FHOD3: variants seen among roughly 807,000 people sequenced by gnomAD.
FHOD3 encodes formin homology 2 domain containing 3.
In FHOD3, 90 loss-of-function variants were observed where a neutral mutation model predicts 173.0. That is an observed-to-expected ratio of 0.52 (90% confidence interval 0.44 to 0.62). The LOEUF (loss-of-function observed/expected upper bound fraction) is 0.62, where lower values mean the gene tolerates loss of function less well. Among genes scored for constraint, FHOD3 ranks in the 20% least tolerant of loss-of-function variants. The pLI is 0.00. For missense variants in FHOD3, 1,945 were observed against 2,034.7 expected (o/e 0.96, Z 0.85); for synonymous variants, 828 against 823.0 (o/e 1.01, Z -0.10).
intron 10 of FHOD3, among the ~76,000 whole-genome samples, chr18:36,644,383 A>T (rs1428624365): frequency 6.6e-6 from 1 of 152,258 alleles, no homozygotes; most frequent in African/African-American, 2.4e-5. Context: ...GACTGATTTT[A>T]TCATAGACTG....
At chr18:36,739,410 C>T (rs1394288605) in intron 20 of FHOD3, among the ~76,000 whole-genome samples, 4 of 152,200 alleles carry the variant, frequency 2.6e-5, no homozygotes, top group East Asian at 3.9e-4. Flanking sequence ...ACCAGCTTGC[C>T]CTTGAATTCT....
At chr18:36,552,407 C>G (rs1385167857) in intron 5 of FHOD3, among the ~76,000 whole-genome samples, 25 of 152,090 alleles carry the variant, frequency 1.6e-4, no homozygotes, top group South Asian at 4.1e-4. Flanking sequence ...CTGAGACTAT[C>G]GGGTTTTCTA....
At chr18:36,395,747 T>C (rs1252745026) in intron 3 of FHOD3, among the ~76,000 whole-genome samples, 2 of 152,304 alleles carry the variant, frequency 1.3e-5, no homozygotes, top group East Asian at 3.9e-4. Flanking sequence ...CTTATGAATT[T>C]TTTTGTTTGA....
rs77947313 is a variant in FHOD3, at chr18:36,532,676, C to T, written c.511+20133C>T. ...TTGTGTGAAGAATCAGTAGTTACCA[C>T]GTGTTGTTCCACAAATCCTGGGTTC... is the stretch of plus-strand genomic sequence containing the variant. On this transcript the variant is annotated intron_variant, in intron 5 of 28. Coordinates refer to ENST00000590592, the MANE Select transcript of FHOD3 (RefSeq NM_001281740.3). Among the ~76,000 whole-genome samples the T allele has an allele frequency of 3.9e-5, 6 of 152,206 alleles. No homozygotes were observed. The East Asian group carries it at 5.8e-4, about 15-fold the overall frequency.
chr18:36,338,555 T>C (rs2045443520), intron 1 of FHOD3, among the ~76,000 whole-genome samples: 1 of 152,208 alleles, frequency 6.6e-6, no homozygotes, highest in Admixed American at 6.5e-5. Flanking sequence ...CTGTGATAGA[T>C]AACAGGCTGG....
intron 3 of FHOD3, among the ~76,000 whole-genome samples, chr18:36,449,239 C>T (rs2051680707): frequency 6.6e-6 from 1 of 151,986 alleles, no homozygotes; most frequent in Non-Finnish European, 1.5e-5. Context: ...AAAGGCAATT[C>T]TGGTTTGACT....
At chr18:36,602,436 C>T (rs566791021) in intron 7 of FHOD3, among the ~76,000 whole-genome samples, 3 of 152,284 alleles carry the variant, frequency 2.0e-5, no homozygotes, top group Admixed American at 6.5e-5. Context: ...GACACTGAAG[C>T]GTACACAATG....
chr18:36,706,499 C>G (rs950455569), intron 17 of FHOD3, among the ~76,000 whole-genome samples: 2 of 152,228 alleles, frequency 1.3e-5, no homozygotes, highest in Non-Finnish European at 2.9e-5. Flanking sequence ...TACTCCTCCC[C>G]CACAAGAGTG....
chr18:36,425,058 A>C (rs1351830885), intron 3 of FHOD3, among the ~76,000 whole-genome samples: 2 of 152,248 alleles, frequency 1.3e-5, no homozygotes, highest in Non-Finnish European at 2.9e-5. Context: ...GGAAAAGGTG[A>C]AAATTCTTGA....
chr18:36,711,738 C>A (rs957214409), intron 18 of FHOD3, among the ~76,000 whole-genome samples: 1 of 152,176 alleles, frequency 6.6e-6, no homozygotes, highest in Admixed American at 6.5e-5. Flanking sequence ...TGCCTAGGAA[C>A]CTCTGGACTT....
chr18:36,692,229 TTCTTA>T (rs1474873644), intron 16 of FHOD3, among the ~76,000 whole-genome samples: 1 of 152,368 alleles, frequency 6.6e-6, no homozygotes, highest in East Asian at 1.9e-4. Context: ...TGCTCTGCCT[TTCTTA>T]TCTGGGTAAA....
At chr18:36,497,771 C>G (rs1243589249) in intron 3 of FHOD3, among the ~76,000 whole-genome samples, 1 of 152,180 alleles carries the variant, frequency 6.6e-6, no homozygotes, top group Non-Finnish European at 1.5e-5. Context: ...GACTTCAACT[C>G]TCCTTTCACA....
intron 5 of FHOD3, among the ~76,000 whole-genome samples, chr18:36,529,561 GTAAT>G (rs2056687482): frequency 1.3e-5 from 2 of 152,096 alleles, no homozygotes; most frequent in African/African-American, 4.8e-5. Flanking sequence ...GCTCACGCCT[GTAAT>G]CCTAGCACTT....
intron 3 of FHOD3, among the ~76,000 whole-genome samples, chr18:36,499,001 G>A (rs561340364): frequency 9.2e-5 from 14 of 152,290 alleles, no homozygotes; most frequent in Non-Finnish European, 1.9e-4. Context: ...GTGATATTTT[G>A]AGTCTACTTA....
intron 17 of FHOD3, among the ~76,000 whole-genome samples, chr18:36,701,061 CT>C (rs548077442): frequency 1.2e-3 from 177 of 152,364 alleles, no homozygotes; most frequent in Non-Finnish European, 2.1e-3. Flanking sequence ...GGGCACGTGC[CT>C]GTGCCCACCT....
intron 5 of FHOD3, among the ~76,000 whole-genome samples, chr18:36,569,845 A>G (rs2058393101): frequency 6.6e-6 from 1 of 152,168 alleles, no homozygotes; most frequent in South Asian, 2.1e-4. Context: ...AGGAATTCTC[A>G]ATGGAAGTTA....
chr18:36,299,023 G>A (rs1322543976), intron 1 of FHOD3, among the ~76,000 whole-genome samples: 1 of 150,510 alleles, frequency 6.6e-6, no homozygotes. Context: ...GAAGAGATAA[G>A]CGTTGATGCC....
At chr18:36,493,955 G>C (rs770407523) in intron 3 of FHOD3, among the ~76,000 whole-genome samples, 1 of 152,206 alleles carries the variant, frequency 6.6e-6, no homozygotes, top group Non-Finnish European at 1.5e-5. Flanking sequence ...TAGTCTCACA[G>C]TTCAGCGATT....
chr18:36,685,189 G>A (rs111921878), intron 15 of FHOD3, among the ~76,000 whole-genome samples: 24 of 152,298 alleles, frequency 1.6e-4, no homozygotes, highest in African/African-American at 5.3e-4. Context: ...TGTCATCAGA[G>A]GCCATGCTAA....
Sources: gnomAD v4.1 joint callset for allele counts (sites outside exome capture counted in the v4.1 genomes callset) on GRCh38, gnomAD v4.1.1 for gene constraint, MANE v1.5 for transcripts, NCBI Gene and HGNC (gene_info 2026-07-23, HGNC 2026-07-21) for gene names.